The following MSH3 variants were observed in gnomAD, a reference collection of about 807,000 sequenced individuals.
MSH3 encodes mutS homolog 3.
In MSH3, 106 loss-of-function variants were observed where a neutral mutation model predicts 123.3. The ratio of observed to expected loss-of-function variants is 0.86; its 90% CI spans 0.73 to 1.01. MSH3 has a LOEUF of 1.01. MSH3 is among the 50% of genes least tolerant of loss of function. The pLI is 0.00. For synonymous variants in MSH3, 515 were observed against 481.4 expected (o/e 1.07, Z -0.91); for missense variants, 1,459 against 1,347.6 (o/e 1.08, Z -1.29).
chr5:80,675,344 A>G (rs935843774), intron 7 of MSH3, among the ~76,000 whole-genome samples: 1 of 152,182 alleles, frequency 6.6e-6, no homozygotes, highest in Non-Finnish European at 1.5e-5. Context: ...TCACGTTGCT[A>G]TAAAGAACCA....
intron 20 of MSH3, among the ~76,000 whole-genome samples, chr5:80,824,864 A>G (rs1157741616): frequency 6.6e-6 from 1 of 152,198 alleles, no homozygotes; most frequent in African/African-American, 2.4e-5. Flanking sequence ...TATCTGGAGT[A>G]CAGATACTCC....
chr5:80,857,500 A>C (rs1335198335), intron 21 of MSH3, among the ~76,000 whole-genome samples: 2 of 152,262 alleles, frequency 1.3e-5, no homozygotes, highest in Admixed American at 1.3e-4. Context: ...GGAGTTCACC[A>C]GTGAAGCCAT....
chr5:80,773,110 AG>A (rs1267609898), intron 15 of MSH3, among the ~76,000 whole-genome samples: 1 of 152,228 alleles, frequency 6.6e-6, no homozygotes, highest in Non-Finnish European at 1.5e-5. Context: ...TCCCTTAGCC[AG>A]TAACTCCTGT....
At chr5:80,731,543 A>G (rs1743413527) in intron 10 of MSH3, among the ~76,000 whole-genome samples, 1 of 151,700 alleles carries the variant, frequency 6.6e-6, no homozygotes, top group Non-Finnish European at 1.5e-5. Context: ...GTATTAATAT[A>G]GGATTAATGA....
chr5:80,700,552 G>A (rs1420616313), intron 8 of MSH3, among the ~76,000 whole-genome samples: 1 of 151,798 alleles, frequency 6.6e-6, no homozygotes, highest in African/African-American at 2.4e-5. Context: ...TAATGCCATT[G>A]TATTTTCAGT....
intron 21 of MSH3, among the ~76,000 whole-genome samples, chr5:80,863,669 AAAAG>A (rs1182632923): frequency 2.0e-5 from 3 of 152,088 alleles, no homozygotes; most frequent in Non-Finnish European, 4.4e-5. Flanking sequence ...AAAAAAAAAA[AAAAG>A]AAAAGAAATA....
chr5:80,807,078 A>G (rs903264362), intron 19 of MSH3, among the ~76,000 whole-genome samples: 1 of 151,330 alleles, frequency 6.6e-6, no homozygotes, highest in East Asian at 1.9e-4. Flanking sequence ...CATGGTCCCA[A>G]CTACTCTGGA....
At chr5:80,731,587 T>C (rs1226392107) in intron 10 of MSH3, among the ~76,000 whole-genome samples, 1 of 152,060 alleles carries the variant, frequency 6.6e-6, no homozygotes, top group African/African-American at 2.4e-5. Context: ...TGTGAGGGTA[T>C]ATTTCATTGG....
intron 20 of MSH3, among the ~76,000 whole-genome samples, chr5:80,824,108 A>G (rs1745248321): frequency 6.6e-6 from 1 of 152,242 alleles, no homozygotes; most frequent in Non-Finnish European, 1.5e-5. Flanking sequence ...CTACACAGAC[A>G]CAGCAACAAT....
chr5:80,766,984 A>G (rs1744134341), intron 13 of MSH3, among the ~76,000 whole-genome samples: 1 of 152,086 alleles, frequency 6.6e-6, no homozygotes, highest in South Asian at 2.1e-4. Flanking sequence ...AAAAATATAT[A>G]CATATATGGT....
rs563386183 is a variant in MSH3, at chr5:80,669,949, G to A, written c.580-148G>A. On this transcript the variant is annotated intron_variant, in intron 3 of 23. Transcript: ENST00000265081. ...TGAAAATATTTGTAACCTATGGATA[G>A]TTTGCCGGAATGCTACAATGTGCTT... 52 of 711,236 alleles carry A rather than the reference G, an allele frequency of 7.3e-5. 1 individual carries two copies. The highest frequency in any genetic ancestry group is 6.8e-4 in the African/African-American group (38 of 55,870). 44.1% of individuals were successfully genotyped at this position (711,236 alleles called of 1,614,324 possible). A position where few individuals can be genotyped will look rare whatever the true frequency, so the allele number is the denominator to read the frequency against.
chr5:80,783,094 AT>A (rs1344417094), intron 17 of MSH3, among the ~76,000 whole-genome samples: 1 of 152,172 alleles, frequency 6.6e-6, no homozygotes, highest in Non-Finnish European at 1.5e-5. Context: ...AATATTTTCA[AT>A]TTTTATTAAC....
At chr5:80,826,993 C>G (rs943357618) in intron 20 of MSH3, among the ~76,000 whole-genome samples, 13 of 152,212 alleles carry the variant, frequency 8.5e-5, no homozygotes, top group Middle Eastern at 3.4e-3. Flanking sequence ...GTGTACTCAT[C>G]GATGAAATAT....
chr5:80,733,276 G>T (rs1183344880), intron 10 of MSH3, among the ~76,000 whole-genome samples: 2 of 152,232 alleles, frequency 1.3e-5, no homozygotes, highest in East Asian at 3.9e-4. Context: ...AACTGTCTGT[G>T]CAAGAGAATG....
intron 10 of MSH3, among the ~76,000 whole-genome samples, chr5:80,732,121 TAA>T (rs928946806): frequency 6.6e-5 from 10 of 152,298 alleles, no homozygotes; most frequent in African/African-American, 1.7e-4. Flanking sequence ...TTTGAGAGTT[TAA>T]GTTTGTTTCA....
chr5:80,657,848 C>T (rs1674621741), intron 2 of MSH3, among the ~76,000 whole-genome samples: 1 of 140,652 alleles, frequency 7.1e-6, no homozygotes, highest in Non-Finnish European at 1.6e-5. Context: ...AGGGGTCATG[C>T]AAGGAGGCGT....
chr5:80,702,810 G>T (rs1030010015), intron 8 of MSH3, among the ~76,000 whole-genome samples: 1 of 152,112 alleles, frequency 6.6e-6, no homozygotes, highest in Non-Finnish European at 1.5e-5. Context: ...TCAGGAGTTT[G>T]AGACCAGCCT....
In MSH3 at chr5:80,758,709, A is replaced by G. The variant is rs185018689; in HGVS notation, c.1764-2837A>G. 1.6e-3 allele frequency among the ~76,000 whole-genome samples: 241 copies of G among 152,314 alleles called. 1 individual carries two copies. The highest frequency in any genetic ancestry group is 5.7e-3 in the African/African-American group (235 of 41,574). On this transcript the variant is annotated intron_variant, in intron 12 of 23. Coordinates refer to ENST00000265081, the MANE Select transcript of MSH3 (RefSeq NM_002439.5). ...CTTGGCCTAACCTTTCAAGTCTCTA[A>G]GAAATTTATAGTTTTATATCTATTA...
chr5:80,693,654 C>T (rs558363086), intron 8 of MSH3, among the ~76,000 whole-genome samples: 1 of 149,280 alleles, frequency 6.7e-6, no homozygotes, highest in South Asian at 2.1e-4. Context: ...CACACAAACA[C>T]ATATATATAT....
Sources: allele counts gnomAD v4.1 joint callset (sites outside exome capture counted in the v4.1 genomes callset), GRCh38; gene constraint gnomAD v4.1.1; transcripts MANE v1.5; gene names NCBI Gene and HGNC (gene_info 2026-07-23, HGNC 2026-07-21).